ABCC11: variants seen among roughly 807,000 people sequenced by gnomAD.
ABCC11 encodes ATP binding cassette subfamily C member 11.
In ABCC11, 135 loss-of-function variants were observed where a neutral mutation model predicts 149.3. That is an observed-to-expected ratio of 0.90 (90% CI 0.79 to 1.04). The LOEUF is 1.04. ABCC11 is among the 50% of genes least tolerant of loss of function. The pLI is 0.00. For missense variants in ABCC11, 1,680 were observed against 1,722.1 expected (o/e 0.98, Z 0.43); for synonymous variants, 665 against 671.4 (o/e 0.99, Z 0.15).
At chr16:48,219,698 A>G (rs1969603505) in intron 6 of ABCC11, among the ~76,000 whole-genome samples, 1 of 152,048 alleles carries the variant, frequency 6.6e-6, no homozygotes, top group Admixed American at 6.6e-5. Flanking sequence ...AATAAAATGT[A>G]GGCTGGGAGC....
At chr16:48,209,049 G>A (rs568561276) in intron 11 of ABCC11, among the ~76,000 whole-genome samples, 3 of 152,218 alleles carry the variant, frequency 2.0e-5, no homozygotes, top group Non-Finnish European at 4.4e-5. Context: ...ATGGAGATAA[G>A]TGATATGAGT....
Position 48,198,269 on chromosome 16 carries a change from C to A in ABCC11, c.2089G>T (p.Glu697Ter). ...AACAAAATGATCTGGCCACAAAATTCTAAGTACTGGACAGTCAAAAGAAAG... is the reference window on the plus strand; with the variant it reads ...AACAAAATGATCTGGCCACAAAATTATAAGTACTGGACAGTCAAAAGAAAG... Reference protein sequence around the residue: ...VLVTHQLQYLEFCGQIILLEN... With the variant: ...VLVTHQLQYL Residue 697 changes from glutamate (E) to a stop codon, truncating the protein, a stop_gained, in exon 16 of 30, where the codon GAA becomes TAA. Transcript: ENST00000356608. LOFTEE classifies it high-confidence loss of function. 1 of 1,614,178 alleles carries A rather than the reference C, an allele frequency of 6.2e-7. No individual in the cohort carries two copies. Among genetic ancestry groups the A allele is most frequent in the Non-Finnish European group, 8.5e-7 (1 of 1,180,028 alleles).
intron 26 of ABCC11, 130 bp downstream of exon 26, chr16:48,175,128 G>A: frequency 8.4e-7 from 1 of 1,185,890 alleles, no homozygotes; most frequent in Non-Finnish European, 1.2e-6. Context: ...AGGTAGGCAT[G>A]AGTGGCCCAG....
rs189135628 is a variant in ABCC11, at chr16:48,208,693, G to A, written c.1609-197C>T. On this transcript the variant is annotated intron_variant, in intron 11 of 29. Coordinates refer to ENST00000356608, the MANE Select transcript of ABCC11 (RefSeq NM_001370497.1). Reference sequence around the variant, plus strand: ...TCCCTGGAGGCAGGTGGGGTGACCCGAGAGGAAGGAGATCACAAGGGAAAG... The same window carrying A: ...TCCCTGGAGGCAGGTGGGGTGACCCAAGAGGAAGGAGATCACAAGGGAAAG... 7.3e-4 allele frequency among the ~76,000 whole-genome samples: 111 copies of A among 152,264 alleles called. No homozygotes were observed. In the Middle Eastern group the frequency reaches 0.01, roughly 14 times the overall value.
At position 48,224,436 on chromosome 16, in the gene ABCC11, A is replaced by C. The variant is rs1969941851; in HGVS notation, c.396-7T>G. The C allele has an allele frequency of 6.2e-7, 1 of 1,613,888 alleles. No homozygotes were observed. Among genetic ancestry groups the C allele is most frequent in the Non-Finnish European group, 8.5e-7 (1 of 1,179,898 alleles). ...TTCCCAAAGGCGGTGAAGCCTTGAAAAGAGGATAATGGAACTGGTGGAATC... is the reference window on the plus strand; with the variant it reads ...TTCCCAAAGGCGGTGAAGCCTTGAACAGAGGATAATGGAACTGGTGGAATC... On this transcript the variant is annotated splice_polypyrimidine_tract_variant and splice_region_variant and intron_variant, in intron 4 of 29. Coordinates refer to ENST00000356608, the MANE Select transcript of ABCC11 (RefSeq NM_001370497.1).
chr16:48,194,074 C>T (rs1967168988), intron 18 of ABCC11, 92 bp from the exon 19 acceptor site: 1 of 887,230 alleles, frequency 1.1e-6, no homozygotes, highest in East Asian at 2.6e-5. Context: ...TCTTTGAGTG[C>T]TTGGAAACCC....
chr16:48,245,102 C>A (rs1172472590), intron 1 of ABCC11, among the ~76,000 whole-genome samples: 1 of 152,158 alleles, frequency 6.6e-6, no homozygotes, highest in African/African-American at 2.4e-5. Flanking sequence ...TGAGTTTTAA[C>A]TTTTCCTGTT....
rs747413417 is a variant in ABCC11 at position 48,230,555 on chromosome 16, C to G, written c.118G>C (p.Asp40His). ...GLIYKTYTLQ[D>H]GPWSQQERNP... is the part of the protein sequence containing the mutation. ...CTCTCTTGCTGACTCCAGGGGCCAT[C>G]TTGGAGAGTATAGGTTTTCTTGGAA... Residue 40 changes from aspartate to histidine, a missense_variant, in exon 3 of 30, where the codon GAT (aspartate) becomes CAT (histidine). By Grantham distance (81) the Asp-to-His change is moderately conservative. Transcript: ENST00000356608. 1.2e-6 allele frequency: 2 copies of G among 1,605,378 alleles called. No homozygotes were observed. Among genetic ancestry groups the G allele is most frequent in the South Asian group, 2.2e-5 (2 of 89,606 alleles).
intron 6 of ABCC11, among the ~76,000 whole-genome samples, chr16:48,221,099 C>T (rs1017015084): frequency 3.3e-5 from 5 of 151,892 alleles, no homozygotes; most frequent in Admixed American, 6.6e-5. Context: ...GGGATGTGCC[C>T]GGTGTAATTG....
chr16:48,176,097 G>C (rs1269504060), intron 25 of ABCC11: 1 of 152,264 alleles, frequency 6.6e-6, no homozygotes, highest in Non-Finnish European at 1.5e-5. Context: ...TTCTCTGCCA[G>C]ACCCCAGCCC....
intron 1 of ABCC11, 48 bp downstream of exon 1, chr16:48,247,266 C>G (rs1167655747): frequency 1.3e-5 from 2 of 151,048 alleles, no homozygotes; most frequent in South Asian, 2.1e-4. Flanking sequence ...CTGAGTAATC[C>G]ATAGCATTAG....
intron 17 of ABCC11, among the ~76,000 whole-genome samples, chr16:48,196,731 C>A (rs1462423306): frequency 6.6e-6 from 1 of 152,190 alleles, no homozygotes; most frequent in African/African-American, 2.4e-5. Context: ...GCTAAGATGC[C>A]CTGCAGCCAT....
rs775300874 is a variant in ABCC11, at chr16:48,177,071, A to G, written c.3391T>C (p.Cys1131Arg). ...EAPLHMEGTS[C>R]PQGWPQHGEI... ...CCATGCTGTGGCCACCCCTGGGGAC[A>G]ACTTGTGCCTTCCATGTGTAAAGGA... The change falls in exon 25 of 30, where the codon TGT (cysteine) becomes CGT (arginine). Residue 1131 changes from cysteine (C) to arginine (R), a missense_variant. Physicochemically the swap from Cys to Arg is radical, Grantham distance 180 (BLOSUM62 -3). Coordinates refer to ENST00000356608, the MANE Select transcript of ABCC11 (RefSeq NM_001370497.1). 6.2e-7 allele frequency: 1 copy of G among 1,613,928 alleles called. No individual in the cohort carries two copies. Among genetic ancestry groups the G allele is most frequent in the African/African-American group, 1.3e-5 (1 of 74,928 alleles).
intron 1 of ABCC11, among the ~76,000 whole-genome samples, chr16:48,242,373 A>T (rs7186129): frequency 2.6e-5 from 4 of 151,942 alleles, no homozygotes; most frequent in Non-Finnish European, 5.9e-5. Flanking sequence ...TTAGAATGGC[A>T]ATCATTAAAA....
chr16:48,175,637 C>T (rs1385317049), intron 25 of ABCC11, among the ~76,000 whole-genome samples: 1 of 152,182 alleles, frequency 6.6e-6, no homozygotes, highest in Admixed American at 6.5e-5. Flanking sequence ...ACACGTGGGG[C>T]CCCTGGATCA....
At chr16:48,227,319 C>T (rs1330227905) in intron 4 of ABCC11, among the ~76,000 whole-genome samples, 1 of 151,748 alleles carries the variant, frequency 6.6e-6, no homozygotes, top group Admixed American at 6.6e-5. Context: ...ACTAAAAATA[C>T]AAAAATTAGC....
intron 3 of ABCC11, among the ~76,000 whole-genome samples, chr16:48,230,002 G>A (rs962141127): frequency 1.3e-5 from 2 of 152,172 alleles, no homozygotes; most frequent in Non-Finnish European, 2.9e-5. Flanking sequence ...CCCTCTAGGT[G>A]TCACTCAGCT....
intron 23 of ABCC11, among the ~76,000 whole-genome samples, chr16:48,183,851 C>T (rs1966595014): frequency 6.6e-6 from 1 of 152,222 alleles, no homozygotes; most frequent in Admixed American, 6.5e-5. Flanking sequence ...TATGGTCCTC[C>T]TGGCAGCCCC....
chr16:48,241,329 A>G (rs921320558), intron 1 of ABCC11, among the ~76,000 whole-genome samples: 4 of 152,214 alleles, frequency 2.6e-5, no homozygotes, highest in Non-Finnish European at 4.4e-5. Flanking sequence ...ATGAACTTCT[A>G]CAAAATAACT....
Sources: gnomAD v4.1 joint callset for allele counts (sites outside exome capture counted in the v4.1 genomes callset) on GRCh38, gnomAD v4.1.1 for gene constraint, MANE v1.5 for transcripts, NCBI Gene and HGNC (gene_info 2026-07-23, HGNC 2026-07-21) for gene names.